Variants in CREB5 observed in about 807,000 individuals in gnomAD.
The protein encoded by CREB5 is cAMP responsive element binding protein 5.
Under a neutral mutation model 57.1 loss-of-function variants are expected in CREB5, and 19 were observed. That is an observed-to-expected ratio of 0.33 (90% CI 0.23 to 0.49). The LOEUF (loss-of-function observed/expected upper bound fraction) is 0.49. CREB5 is among the 20% of genes least tolerant of loss of function. The pLI is 0.99. For synonymous variants in CREB5, 238 were observed against 238.3 expected (o/e 1.00, Z 0.01); for missense variants, 579 against 671.6 (o/e 0.86, Z 1.52).
At chr7:28,410,816 T>G (rs937566101), upstream of CREB5, 9 of 338,008 alleles carry the variant, frequency 2.7e-5, no homozygotes, top group Non-Finnish European at 4.7e-5. Context: ...GTTCAGGAGC[T>G]TAGAATGCTG....
intron 5 of CREB5, among the ~76,000 whole-genome samples, chr7:28,607,008 A>G (rs1797157654): frequency 6.6e-6 from 1 of 152,088 alleles, no homozygotes; most frequent in African/African-American, 2.4e-5. Flanking sequence ...TTTTATTGCT[A>G]ACTCTCATCA....
intron 1 of CREB5, among the ~76,000 whole-genome samples, chr7:28,483,583 A>T (rs1199732683): frequency 6.6e-6 from 1 of 152,144 alleles, no homozygotes; most frequent in South Asian, 2.1e-4. Flanking sequence ...AAAATATTAA[A>T]TGATGAGGCA....
intron 7 of CREB5, among the ~76,000 whole-genome samples, chr7:28,780,731 C>T (rs1325871603): frequency 1.3e-5 from 2 of 152,000 alleles, no homozygotes; most frequent in Non-Finnish European, 2.9e-5. Context: ...TTTTTAGATT[C>T]CCTGTACTAT....
At chr7:28,794,621 G>GA (rs1294435812) in intron 7 of CREB5, among the ~76,000 whole-genome samples, 2 of 152,102 alleles carry the variant, frequency 1.3e-5, no homozygotes, top group Admixed American at 6.5e-5. Context: ...GACATTGATG[G>GA]AATAAGAAAA....
At chr7:28,585,227 G>A (rs1212646671) in intron 5 of CREB5, among the ~76,000 whole-genome samples, 1 of 152,236 alleles carries the variant, frequency 6.6e-6, no homozygotes, top group Non-Finnish European at 1.5e-5. Flanking sequence ...ATTGTAGAGA[G>A]GTATGGGGGC....
rs573930655 is a variant in CREB5 at position 28,570,536 on chromosome 7, G to A, written c.463G>A (p.Gly155Arg). ...GGCACCTTCCACCAACCGCCAGATC[G>A]GGTAAGGAGCCCTCCTTGGCTGCCC... ...TQAPSTNRQI[G>R]PVPGSLSSLL... Residue 155 changes from glycine to arginine, a missense_variant and splice_region_variant, in exon 5 of 11, where the codon GGG becomes AGG. Physicochemically the swap from Gly to Arg is moderately radical, Grantham distance 125. Around this residue, in one of 3 missense-constraint regions of CREB5, gnomAD observed 459 missense variants for 515.7 expected, o/e 0.89. Coordinates refer to ENST00000357727, the MANE Select transcript of CREB5 (RefSeq NM_182898.4). 31 of 1,613,398 alleles carry A rather than the reference G, an allele frequency of 1.9e-5. No individual in the cohort carries two copies. The highest frequency in any genetic ancestry group is 6.7e-5 in the African/African-American group (5 of 75,024).
At chr7:28,560,953 T>TGCGC (rs1382287502) in intron 4 of CREB5, among the ~76,000 whole-genome samples, 7 of 47,178 alleles carry the variant, frequency 1.5e-4, no homozygotes, top group African/African-American at 3.9e-4. Flanking sequence ...TGTGTGTGCG[T>TGCGC]GTGTGTGCGT....
At chr7:28,743,448 A>G (rs1451299924) in intron 7 of CREB5, among the ~76,000 whole-genome samples, 1 of 152,124 alleles carries the variant, frequency 6.6e-6, no homozygotes, top group East Asian at 1.9e-4. Context: ...TGGGAGGATC[A>G]CCTGAGCCCA....
chr7:28,429,246 G>A (rs1020299784), intron 1 of CREB5, among the ~76,000 whole-genome samples: 4 of 151,954 alleles, frequency 2.6e-5, no homozygotes, highest in African/African-American at 4.8e-5. Flanking sequence ...GGCTGGTCTC[G>A]AACTCCTGAC....
chr7:28,809,470 T>C, intron 9 of CREB5, 56 bp downstream of exon 9: 1 of 1,492,462 alleles, frequency 6.7e-7, no homozygotes, highest in East Asian at 2.4e-5. Flanking sequence ...CCACGGGCAT[T>C]TCCGGCCCTG....
chr7:28,305,905 A>C (rs1785172969), intron 1 of CREB5, among the ~76,000 whole-genome samples: 1 of 151,914 alleles, frequency 6.6e-6, no homozygotes, highest in African/African-American at 2.4e-5. Context: ...ATATTTGTCT[A>C]TACACCAAAA....
chr7:28,798,691 G>A (rs568710732), intron 7 of CREB5, among the ~76,000 whole-genome samples: 3 of 152,308 alleles, frequency 2.0e-5, no homozygotes, highest in Admixed American at 6.5e-5. Context: ...CTACCTGTGC[G>A]TCAGGCTTCT....
chr7:28,501,169 G>A (rs1262547380), intron 3 of CREB5, among the ~76,000 whole-genome samples: 1 of 152,126 alleles, frequency 6.6e-6, no homozygotes, highest in East Asian at 1.9e-4. Flanking sequence ...TGTGTGAGCT[G>A]TACATACTAA....
chr7:28,348,023 A>ACCTCTCT (rs1786098742), intron 1 of CREB5, among the ~76,000 whole-genome samples: 1 of 152,032 alleles, frequency 6.6e-6, no homozygotes, highest in Non-Finnish European at 1.5e-5. Context: ...TTGTAGGGAG[A>ACCTCTCT]GAGGGTTCCC....
chr7:28,453,186 C>G (rs1280347826), intron 1 of CREB5, among the ~76,000 whole-genome samples: 1 of 152,024 alleles, frequency 6.6e-6, no homozygotes, highest in Non-Finnish European at 1.5e-5. Flanking sequence ...ACCTATAATC[C>G]CAGCACTTTC....
intron 4 of CREB5, among the ~76,000 whole-genome samples, chr7:28,530,835 A>G (rs1282138087): frequency 6.6e-6 from 1 of 152,172 alleles, no homozygotes; most frequent in Non-Finnish European, 1.5e-5. Context: ...ATCCTGGCTG[A>G]TGATGGAGGC....
chr7:28,437,147 A>G (rs1489919856), intron 1 of CREB5, among the ~76,000 whole-genome samples: 1 of 152,180 alleles, frequency 6.6e-6, no homozygotes, highest in Non-Finnish European at 1.5e-5. Flanking sequence ...GCCATGGCTA[A>G]GGACTTCACA....
At chr7:28,330,034 A>G (rs1785684304) in intron 1 of CREB5, among the ~76,000 whole-genome samples, 1 of 152,098 alleles carries the variant, frequency 6.6e-6, no homozygotes, top group South Asian at 2.1e-4. Context: ...GGACCTCCCT[A>G]CTCTTGATGC....
intron 1 of CREB5, among the ~76,000 whole-genome samples, chr7:28,322,536 A>G (rs1009019999): frequency 6.6e-6 from 1 of 152,080 alleles, no homozygotes; most frequent in African/African-American, 2.4e-5. Context: ...CTATCAACCC[A>G]TCATCTAGGC....
Sources: allele counts gnomAD v4.1 joint callset (sites outside exome capture counted in the v4.1 genomes callset), GRCh38; gene constraint gnomAD v4.1.1; regional missense constraint gnomAD v4.1.1; transcripts MANE v1.5; gene names NCBI Gene and HGNC (gene_info 2026-07-23, HGNC 2026-07-21).